Variants in PDZD2 observed in about 807,000 individuals in gnomAD.
PDZD2 encodes the protein PDZ domain containing 2.
In PDZD2, 90 loss-of-function variants were observed where a neutral mutation model predicts 220.7. The observed-to-expected ratio is 0.41, with a 90% CI of 0.34 to 0.49. The LOEUF (loss-of-function observed/expected upper bound fraction) is 0.49. Ranked by LOEUF, PDZD2 falls within the 20% of genes least tolerant of loss-of-function variation. The pLI is 0.28. For missense variants in PDZD2, 3,174 were observed against 3,608.5 expected (o/e 0.88, Z 3.08); for synonymous variants, 1,375 against 1,450.5 (o/e 0.95, Z 1.18).
intron 21 of PDZD2, among the ~76,000 whole-genome samples, chr5:32,094,589 C>G (rs1404748334): frequency 6.6e-6 from 1 of 151,800 alleles, no homozygotes; most frequent in South Asian, 2.1e-4. Flanking sequence ...TTCTGATTCT[C>G]AGCCGCTGAT....
intron 24 of PDZD2, among the ~76,000 whole-genome samples, chr5:32,101,844 A>G (rs1229867998): frequency 6.6e-6 from 1 of 152,238 alleles, no homozygotes; most frequent in African/African-American, 2.4e-5. Flanking sequence ...TCAAAATCTT[A>G]TATTAACTCA....
chr5:32,002,811 AAC>A (rs1408046458), intron 5 of PDZD2, among the ~76,000 whole-genome samples: 20 of 110,502 alleles, frequency 1.8e-4, no homozygotes, highest in Non-Finnish European at 3.6e-4. Flanking sequence ...CACAACCACC[AAC>A]ACACACCACA....
intron 6 of PDZD2, among the ~76,000 whole-genome samples, chr5:32,017,412 C>G (rs1238237812): frequency 6.6e-6 from 1 of 151,148 alleles, no homozygotes; most frequent in African/African-American, 2.4e-5. Flanking sequence ...TGCACTCCAG[C>G]CTGAGTGACA....
intron 2 of PDZD2, among the ~76,000 whole-genome samples, chr5:31,819,474 T>C (rs145154104): frequency 0.051 from 7,805 of 152,032 alleles, 406 homozygotes; most frequent in African/African-American, 0.13. Flanking sequence ...CTGACTAATA[T>C]GGTAAAACCC....
chr5:31,760,692 C>T (rs112916925), intron 1 of PDZD2, among the ~76,000 whole-genome samples: 143 of 152,162 alleles, frequency 9.4e-4, no homozygotes, highest in African/African-American at 3.2e-3. Context: ...GAGGCCAAGT[C>T]GGGCGGATCG....
intron 1 of PDZD2, among the ~76,000 whole-genome samples, chr5:31,738,064 AT>A (rs1428198909): frequency 6.6e-6 from 1 of 152,222 alleles, no homozygotes; most frequent in African/African-American, 2.4e-5. Flanking sequence ...CATTTTTGGA[AT>A]GTTCGAGAGA....
rs561240476 is a variant in PDZD2 at position 32,036,806 on chromosome 5, T to C, written c.1408-425T>C. 4.6e-4 allele frequency among the ~76,000 whole-genome samples: 70 copies of C among 152,256 alleles called. 1 individual carries two copies. The highest frequency in any genetic ancestry group is 1.6e-3 in the African/African-American group (68 of 41,568). On this transcript the variant is annotated intron_variant, in intron 6 of 24. Transcript: ENST00000438447. Reference sequence around the variant, plus strand: ...TTTCTGGTTTAATATTTGTTGCAACTTGCATTGTGGGAAAAAGCACTGGCC... The same window carrying C: ...TTTCTGGTTTAATATTTGTTGCAACCTGCATTGTGGGAAAAAGCACTGGCC...
intron 3 of PDZD2, among the ~76,000 whole-genome samples, chr5:31,985,367 G>C (rs1263930315): frequency 2.0e-5 from 3 of 152,146 alleles, no homozygotes; most frequent in African/African-American, 7.2e-5. Flanking sequence ...GCCTTCATTT[G>C]ACCTAGGACA....
At chr5:31,724,327 GCGC>G (rs1208089565) in intron 1 of PDZD2, among the ~76,000 whole-genome samples, 12 of 152,160 alleles carry the variant, frequency 7.9e-5, no homozygotes, top group Non-Finnish European at 1.6e-4. Flanking sequence ...AAAAGGCCGG[GCGC>G]AGTGGCTCAC....
chr5:31,698,086 T>G (rs1292807022), intron 1 of PDZD2, among the ~76,000 whole-genome samples: 1 of 150,236 alleles, frequency 6.7e-6, no homozygotes, highest in Non-Finnish European at 1.5e-5. Context: ...TTTTGTATTT[T>G]TTAGTAGAGA....
chr5:31,982,725 C>T (rs528976869), intron 2 of PDZD2, among the ~76,000 whole-genome samples: 20 of 152,314 alleles, frequency 1.3e-4, no homozygotes, highest in African/African-American at 4.1e-4. Context: ...TCCCCTAATC[C>T]ACTCTATCCA....
At chr5:31,934,469 C>A (rs1421173160) in intron 2 of PDZD2, among the ~76,000 whole-genome samples, 1 of 152,062 alleles carries the variant, frequency 6.6e-6, no homozygotes, top group South Asian at 2.1e-4. Flanking sequence ...TTTCTGTCTT[C>A]TTTATCTCAT....
chr5:31,640,108 G>T (rs1158806764), intron 1 of PDZD2, among the ~76,000 whole-genome samples: 1 of 138,808 alleles, frequency 7.2e-6, no homozygotes, highest in African/African-American at 2.5e-5. Flanking sequence ...CCTCGGGTTT[G>T]CGTTTGTGTT....
chr5:32,041,921 A>C (rs1271701767), intron 7 of PDZD2, among the ~76,000 whole-genome samples: 1 of 151,322 alleles, frequency 6.6e-6, no homozygotes, highest in Non-Finnish European at 1.5e-5. Flanking sequence ...AAAAAAAAAA[A>C]AAAAACATCA....
chr5:31,992,780 C>G lies in PDZD2; in HGVS notation c.979-2796C>G, dbSNP rs117352189. On this transcript the variant is annotated intron_variant, in intron 3 of 24. Transcript: ENST00000438447. Reference sequence around the variant, plus strand: ...CTGTCCTGGGGGAGGAAGAAACACTCATCTTCTAGACCCCAGCAGCCAGAG... The same window carrying G: ...CTGTCCTGGGGGAGGAAGAAACACTGATCTTCTAGACCCCAGCAGCCAGAG... Among the ~76,000 whole-genome samples, 112 of 151,162 alleles carry G rather than the reference C, an allele frequency of 7.4e-4. 1 individual carries two copies. In the East Asian group the frequency reaches 0.02, roughly 26 times the overall value.
chr5:31,982,629 C>G (rs908380690), intron 2 of PDZD2, among the ~76,000 whole-genome samples: 26 of 152,166 alleles, frequency 1.7e-4, no homozygotes, highest in African/African-American at 6.3e-4. Flanking sequence ...TAATACCAGT[C>G]ATTACCTGTT....
At position 31,798,957 on chromosome 5, in the gene PDZD2, ATG is replaced by A. The variant is rs550538673; in HGVS notation, c.-291_-290del. On this transcript the variant is annotated 5_prime_UTR_variant, in exon 2 of 25. An upstream start codon of the reference 5' UTR is lost. Transcript: ENST00000438447. ...GATCCTCCATTCCTGTGTCATTTGC[ATG>A]GGTCCTGCTGTGAAATGAACCTGGC... The A allele has an allele frequency of 1.4e-3, 619 of 429,762 alleles. 4 individuals carry two copies. Among genetic ancestry groups the A allele is most frequent in the African/African-American group, 9.2e-3 (478 of 51,690 alleles). 26.6% of individuals were successfully genotyped at this position (429,762 alleles called of 1,614,324 possible).
chr5:32,026,983 G>A (rs1754718120), intron 6 of PDZD2, among the ~76,000 whole-genome samples: 1 of 152,150 alleles, frequency 6.6e-6, no homozygotes, highest in African/African-American at 2.4e-5. Flanking sequence ...GCTCACTGCA[G>A]TCTCTGCCTC....
chr5:31,817,251 TG>T (rs1755524577), intron 2 of PDZD2, among the ~76,000 whole-genome samples: 1 of 150,644 alleles, frequency 6.6e-6, no homozygotes, highest in African/African-American at 2.4e-5. Context: ...CCCAGCACTT[TG>T]GGAGGCTGAG....
Sources: gnomAD v4.1 joint callset for allele counts (sites outside exome capture counted in the v4.1 genomes callset) on GRCh38, gnomAD v4.1.1 for gene constraint, MANE v1.5 for transcripts, NCBI Gene and HGNC (gene_info 2026-07-23, HGNC 2026-07-21) for gene names.